Variants in MTMR9 observed in about 807,000 individuals in gnomAD.
The protein encoded by MTMR9 is myotubularin related protein 9.
In MTMR9, 39 loss-of-function variants were observed where a neutral mutation model predicts 69.5. That is an observed-to-expected ratio of 0.56 (90% CI 0.43 to 0.73). The LOEUF is 0.73. MTMR9 is among the 30% of genes least tolerant of loss of function. The pLI is 0.00. For synonymous variants in MTMR9, 354 were observed against 240.8 expected (o/e 1.47, Z -4.35); for missense variants, 900 against 671.2 (o/e 1.34, Z -3.77).
chr8:11,328,343 A>ACG (rs1456545509), downstream of MTMR9, among the ~76,000 whole-genome samples: 63 of 100,126 alleles, frequency 6.3e-4, no homozygotes, highest in Admixed American at 2.1e-3. Flanking sequence ...CTTTAATACC[A>ACG]CGTGTGTGTG....
chr8:11,286,890 C>G (rs1221175710), intron 1 of MTMR9, among the ~76,000 whole-genome samples: 1 of 152,178 alleles, frequency 6.6e-6, no homozygotes, highest in African/African-American at 2.4e-5. Context: ...ATTCTGTCAT[C>G]TGTGTATTTT....
the MTMR9 span, among the ~76,000 whole-genome samples, chr8:11,338,763 A>G: frequency 6.6e-6 from 1 of 152,268 alleles, no homozygotes; most frequent in South Asian, 2.1e-4. Context: ...ATATTCTAAG[A>G]CCCAGAGTCT....
chr8:11,293,140 A>T (rs1417532700), intron 1 of MTMR9, among the ~76,000 whole-genome samples: 2 of 152,194 alleles, frequency 1.3e-5, no homozygotes, highest in Non-Finnish European at 2.9e-5. Context: ...GTGGGGCAAG[A>T]TGTGGAGATG....
chr8:11,293,397 A>G (rs1024087369), intron 1 of MTMR9, among the ~76,000 whole-genome samples: 1 of 152,254 alleles, frequency 6.6e-6, no homozygotes, highest in Non-Finnish European at 1.5e-5. Flanking sequence ...AAAAAGTTAC[A>G]GTAAGGTAAG....
chr8:11,306,871 C>T (rs1799958829), intron 5 of MTMR9, among the ~76,000 whole-genome samples: 1 of 152,126 alleles, frequency 6.6e-6, no homozygotes, highest in Non-Finnish European at 1.5e-5. Context: ...CTACCCCGAC[C>T]CCTCCTGCTA....
At chr8:11,330,405 C>G (rs1301902208), downstream of MTMR9, among the ~76,000 whole-genome samples, 2 of 152,226 alleles carry the variant, frequency 1.3e-5, no homozygotes, top group Non-Finnish European at 2.9e-5. Flanking sequence ...GCCACCACCC[C>G]GTCTGGGAGG....
intron 3 of MTMR9, among the ~76,000 whole-genome samples, chr8:11,303,582 G>C (rs1385714890): frequency 6.6e-6 from 1 of 152,034 alleles, no homozygotes; most frequent in Non-Finnish European, 1.5e-5. Flanking sequence ...TGCCCAGGCT[G>C]GAGTGCAGTG....
chr8:11,289,332 C>T (rs76116742), intron 1 of MTMR9, among the ~76,000 whole-genome samples: 7 of 152,338 alleles, frequency 4.6e-5, no homozygotes, highest in Non-Finnish European at 8.8e-5. Context: ...TCTTACTAGA[C>T]AAGTGCCTTT....
chr8:11,286,063 C>T (rs1262670215), intron 1 of MTMR9, among the ~76,000 whole-genome samples: 1 of 143,894 alleles, frequency 6.9e-6, no homozygotes, highest in African/African-American at 2.6e-5. Flanking sequence ...AGCGATTCTT[C>T]TGTCTCAGCC....
chr8:11,316,378 T>C lies in MTMR9; in HGVS notation c.1114-295T>C, dbSNP rs932421091. ...CCTAGAAAGGTTTATTTTGTAAGTT[T>C]ATTATTGCTTAAGTTCATTATTCTT... On this transcript the variant is annotated intron_variant, in intron 7 of 9. Transcript: ENST00000221086. 4 of 218,504 alleles carry C rather than the reference T, an allele frequency of 1.8e-5. No individual in the cohort carries two copies. The East Asian group carries it at 4.2e-4, about 23-fold the overall frequency. 13.5% of individuals were successfully genotyped at this position (218,504 alleles called of 1,614,324 possible).
In MTMR9 at chr8:11,284,847, C is replaced by G. The variant is rs755619278; in HGVS notation, c.-42C>G. The G allele has an allele frequency of 2.3e-5, 35 of 1,551,466 alleles. 1 individual carries two copies. In the Middle Eastern group the frequency reaches 3.5e-3, roughly 154 times the overall value. ...TCCCTGCGGCGGGGTAACCGCCTCG[C>G]ACCTACCGGGCTCGGTTCCCTGGCT... On this transcript the variant is annotated 5_prime_UTR_variant, in exon 1 of 10. Coordinates refer to ENST00000221086, the MANE Select transcript of MTMR9 (RefSeq NM_015458.4).
chr8:11,306,122 A>T (rs1365199040), intron 4 of MTMR9, 68 bp from the exon 5 acceptor site: 6 of 1,371,112 alleles, frequency 4.4e-6, no homozygotes. Context: ...AATCTAGCTA[A>T]TTTCTTTCTG....
At chr8:11,309,716 G>C in intron 6 of MTMR9, 28 bp downstream of exon 6, 1 of 1,608,224 alleles carries the variant, frequency 6.2e-7, no homozygotes, top group South Asian at 1.1e-5. Flanking sequence ...GTTCCTGAGC[G>C]AAACATGGCG....
intron 6 of MTMR9, among the ~76,000 whole-genome samples, chr8:11,313,377 G>A (rs1276444760): frequency 6.6e-6 from 1 of 152,212 alleles, no homozygotes; most frequent in Non-Finnish European, 1.5e-5. Flanking sequence ...GTAAGGCTGT[G>A]TCACTGTATC....
chr8:11,318,408 T>A (rs1387077445), intron 8 of MTMR9: 2 of 152,242 alleles, frequency 1.3e-5, no homozygotes, highest in African/African-American at 2.4e-5. Context: ...CAATGCCACA[T>A]AGGCTCTATG....
intron 8 of MTMR9, chr8:11,318,555 G>C (rs577089979): frequency 8.5e-5 from 13 of 152,172 alleles, no homozygotes; most frequent in African/African-American, 2.9e-4. Flanking sequence ...TATGAGAATT[G>C]AATGTATTAT....
At chr8:11,298,939 A>G (rs566395980) in intron 2 of MTMR9, 2 of 895,672 alleles carry the variant, frequency 2.2e-6, no homozygotes, top group Middle Eastern at 5.7e-4. Flanking sequence ...TCCCTGCAGC[A>G]TGAAAATATG....
rs541425244 is a variant in MTMR9, at chr8:11,285,952, T to C, written c.182+882T>C. Among the ~76,000 whole-genome samples the C allele has an allele frequency of 2.7e-3, 374 of 138,652 alleles. 1 individual carries two copies. The highest frequency in any genetic ancestry group is 9.4e-3 in the African/African-American group (342 of 36,476). The allele number at this position is 138,652 out of a possible 152,430, so 91.0% of individuals were successfully genotyped here. A position where few individuals can be genotyped will look rare whatever the true frequency, so the allele number is the denominator to read the frequency against. On this transcript the variant is annotated intron_variant, in intron 1 of 9. Transcript: ENST00000221086. ...TAATAATCTCTTTCTTTCTTTCTTT[T>C]TTTTTTTTTTTTTTTTTTGGAGACG...
rs374050440 is a variant in MTMR9, at chr8:11,305,988, T to C, written c.592-202T>C. 2.4e-4 allele frequency among the ~76,000 whole-genome samples: 36 copies of C among 152,328 alleles called. 2 individuals carry two copies. The highest frequency in any genetic ancestry group is 7.5e-4 in the African/African-American group (31 of 41,578). ...GTGACAGTATTTTGAGACAGAGAAA[T>C]TGTGTAAAAGCTTAAGGCTTATCTT... On this transcript the variant is annotated intron_variant, in intron 4 of 9. Coordinates refer to ENST00000221086, the MANE Select transcript of MTMR9 (RefSeq NM_015458.4).
Sources: allele counts gnomAD v4.1 joint callset (sites outside exome capture counted in the v4.1 genomes callset), GRCh38; gene constraint gnomAD v4.1.1; transcripts MANE v1.5; gene names NCBI Gene and HGNC (gene_info 2026-07-23, HGNC 2026-07-21).